Variants in NCOA6 observed in about 807,000 individuals in gnomAD.
NCOA6 encodes NRC RAP250.
NCOA6 carries 49 observed loss-of-function variants against 171.4 expected under a neutral mutation model. The ratio of observed to expected loss-of-function variants is 0.29; its 90% CI spans 0.23 to 0.36. NCOA6 has a LOEUF of 0.36. Among genes scored for constraint, NCOA6 ranks in the 10% least tolerant of loss-of-function variants. NCOA6 has a pLI of 1.00. For missense variants in NCOA6, 2,248 were observed against 2,554.5 expected (o/e 0.88, Z 2.59); for synonymous variants, 910 against 927.5 (o/e 0.98, Z 0.34).
In NCOA6 at chr20:34,715,370, G is replaced by C. The variant is rs918977433; in HGVS notation, c.6149-5C>G. The C allele has an allele frequency of 1.2e-5, 20 of 1,609,458 alleles. No individual in the cohort carries two copies. Among genetic ancestry groups the C allele is most frequent in the Non-Finnish European group, 1.7e-5 (20 of 1,175,836 alleles). ...ATTGCACCGCACTGGTTATGTCTGTGGGGGAAAGAAAGGACATGTTCAGTG... is the reference window on the plus strand; with the variant it reads ...ATTGCACCGCACTGGTTATGTCTGTCGGGGAAAGAAAGGACATGTTCAGTG... On this transcript the variant is annotated splice_region_variant and splice_polypyrimidine_tract_variant and intron_variant, in intron 14 of 14. Transcript: ENST00000359003.
At chr20:34,722,906 T>C (rs1409947947) in intron 14 of NCOA6, among the ~76,000 whole-genome samples, 2 of 151,756 alleles carry the variant, frequency 1.3e-5, no homozygotes, top group African/African-American at 2.4e-5. Context: ...ACCTGGGATG[T>C]TGAGGCATAA....
intron 5 of NCOA6, 99 bp from the exon 6 acceptor site, chr20:34,759,032 T>C (rs534131120): frequency 2.2e-6 from 3 of 1,357,178 alleles, no homozygotes; most frequent in Non-Finnish European, 3.0e-6. Context: ...AAAATTTGTT[T>C]TTTTTTTTTT....
chr20:34,798,507 T>C (rs71349776), intron 1 of NCOA6, among the ~76,000 whole-genome samples: 1 of 152,318 alleles, frequency 6.6e-6, no homozygotes, highest in Admixed American at 6.5e-5. Flanking sequence ...CTACAGGCCT[T>C]GGGCGAGAGA....
At chr20:34,729,406 G>C (rs1192401580) in intron 13 of NCOA6, among the ~76,000 whole-genome samples, 1 of 152,132 alleles carries the variant, frequency 6.6e-6, no homozygotes, top group Non-Finnish European at 1.5e-5. Context: ...TCTCTGATCT[G>C]AATTTCTGGT....
At chr20:34,718,385 A>C (rs969668950) in intron 14 of NCOA6, among the ~76,000 whole-genome samples, 2 of 152,122 alleles carry the variant, frequency 1.3e-5, no homozygotes, top group Non-Finnish European at 2.9e-5. Flanking sequence ...GTCTGAAAAA[A>C]ACATCTTTTG....
chr20:34,791,114 T>C (rs1601046991), intron 2 of NCOA6, among the ~76,000 whole-genome samples: 1 of 152,184 alleles, frequency 6.6e-6, no homozygotes, highest in Non-Finnish European at 1.5e-5. Context: ...GAAGTGGTGG[T>C]TGTAGTACAA....
intron 1 of NCOA6, among the ~76,000 whole-genome samples, chr20:34,795,051 G>A (rs549625511): frequency 3.9e-4 from 60 of 152,038 alleles, no homozygotes; most frequent in Admixed American, 1.6e-3. Context: ...GTTCATCCTC[G>A]GTAGAGCGGC....
At chr20:34,793,696 A>C (rs2077970164) in intron 1 of NCOA6, among the ~76,000 whole-genome samples, 1 of 152,212 alleles carries the variant, frequency 6.6e-6, no homozygotes, top group Non-Finnish European at 1.5e-5. Context: ...AATTCTGCAA[A>C]GCAAAAAACA....
chr20:34,773,516 G>A (rs113171313), intron 4 of NCOA6, among the ~76,000 whole-genome samples: 3 of 149,094 alleles, frequency 2.0e-5, no homozygotes, highest in Non-Finnish European at 3.0e-5. Context: ...GTGCAGTGGC[G>A]TGATCTCGGC....
chr20:34,786,068 G>T (rs2077668160), intron 2 of NCOA6, among the ~76,000 whole-genome samples: 1 of 152,086 alleles, frequency 6.6e-6, no homozygotes, highest in African/African-American at 2.4e-5. Context: ...TCCTGGTTCA[G>T]CTGAGAGTGT....
At chr20:34,790,423 C>G (rs1416354114) in intron 2 of NCOA6, among the ~76,000 whole-genome samples, 1 of 151,860 alleles carries the variant, frequency 6.6e-6, no homozygotes, top group Non-Finnish European at 1.5e-5. Flanking sequence ...GGTGTGACCT[C>G]GGCTCACTGT....
At chr20:34,823,630 T>G (rs2079070418) in intron 1 of NCOA6, among the ~76,000 whole-genome samples, 1 of 152,154 alleles carries the variant, frequency 6.6e-6, no homozygotes, top group African/African-American at 2.4e-5. Context: ...GTGTCTACAA[T>G]TTTTCACTTT....
intron 1 of NCOA6, among the ~76,000 whole-genome samples, chr20:34,806,262 T>G (rs1166570079): frequency 6.6e-6 from 1 of 152,236 alleles, no homozygotes; most frequent in African/African-American, 2.4e-5. Flanking sequence ...AAAGTCAGAC[T>G]GTTTTTCTAC....
rs891602568 is a variant in NCOA6 at position 34,754,922 on chromosome 20, T to A, written c.1529-54A>T. 8.8e-6 allele frequency: 14 copies of A among 1,585,730 alleles called. No individual in the cohort carries two copies. The African/African-American group carries it at 1.6e-4, about 18-fold the overall frequency. ...TACCTAGCAAATTTATACTCTTGCTTAGATATGGAATGAATAAGGAAGGAT... is the reference window on the plus strand; with the variant it reads ...TACCTAGCAAATTTATACTCTTGCTAAGATATGGAATGAATAAGGAAGGAT... On this transcript the variant is annotated intron_variant, in intron 7 of 14. Transcript: ENST00000359003.
rs756978384 is a variant in NCOA6 at position 34,743,362 on chromosome 20, T to C, written c.2915-21A>G. 12 of 1,571,918 alleles carry C rather than the reference T, an allele frequency of 7.6e-6. No individual in the cohort carries two copies. The South Asian group carries it at 9.2e-5, about 12-fold the overall frequency. On this transcript the variant is annotated intron_variant, in intron 10 of 14. Coordinates refer to ENST00000359003, the MANE Select transcript of NCOA6 (RefSeq NM_014071.5). ...ATAACCTAAAACAAGCCCCCCAAAT[T>C]AGGGAAGTTAGATTTTTCAGCAAGA... is the stretch of plus-strand genomic sequence containing the variant.
In NCOA6 at chr20:34,783,281, C is replaced by CA. The variant is rs112991464; in HGVS notation, c.-49-878dup. 1.1e-3 allele frequency among the ~76,000 whole-genome samples: 153 copies of CA among 143,186 alleles called. 1 individual carries two copies. Among genetic ancestry groups the CA allele is most frequent in the African/African-American group, 3.5e-3 (138 of 38,968 alleles). 93.9% of individuals were successfully genotyped at this position (143,186 alleles called of 152,430 possible). On this transcript the variant is annotated intron_variant, in intron 2 of 14. Transcript: ENST00000359003. ...TGGGCAACAGAGCAAGACTCCGTCT[C>CA]AAAAAAAAAAGGGGGTTGATATGGA... is the stretch of plus-strand genomic sequence containing the variant.
In NCOA6 at chr20:34,786,733, C is replaced by G. The variant is rs549332414; in HGVS notation, c.-49-4329G>C. Reference sequence around the variant, plus strand: ...GACTGTTATGACTAAATAGGATTCCCTATTTAATAAATGGTGCTGAAAGAA... The same window carrying G: ...GACTGTTATGACTAAATAGGATTCCGTATTTAATAAATGGTGCTGAAAGAA... On this transcript the variant is annotated intron_variant, in intron 2 of 14. Coordinates refer to ENST00000359003, the MANE Select transcript of NCOA6 (RefSeq NM_014071.5). 3.3e-5 allele frequency among the ~76,000 whole-genome samples: 5 copies of G among 152,242 alleles called. No homozygotes were observed. In the South Asian group the frequency reaches 1.0e-3, roughly 32 times the overall value.
chr20:34,802,944 T>C (rs565568175), intron 1 of NCOA6, among the ~76,000 whole-genome samples: 1 of 151,992 alleles, frequency 6.6e-6, no homozygotes, highest in Admixed American at 6.6e-5. Context: ...ACCCAAGTGA[T>C]CCTCCCACCT....
chr20:34,823,000 GCAT>G (rs764101431), intron 1 of NCOA6, among the ~76,000 whole-genome samples: 3 of 152,142 alleles, frequency 2.0e-5, no homozygotes, highest in Non-Finnish European at 4.4e-5. Context: ...GCCTTTATGC[GCAT>G]CATGTCTTTG....
Sources: allele counts gnomAD v4.1 joint callset (sites outside exome capture counted in the v4.1 genomes callset), GRCh38; gene constraint gnomAD v4.1.1; transcripts MANE v1.5; gene names NCBI Gene and HGNC (gene_info 2026-07-23, HGNC 2026-07-21).